The following KPNA1 variants were observed in gnomAD, a reference collection of about 807,000 sequenced individuals.
KPNA1 encodes importin subunit alpha-5.
A neutral mutation model predicts 70.5 loss-of-function variants in KPNA1; 10 were observed. The observed-to-expected ratio is 0.14, with a 90% CI of 0.09 to 0.24. The LOEUF is 0.24. Among genes scored for constraint, KPNA1 ranks in the 10% least tolerant of loss-of-function variants. The pLI is 1.00. For missense variants in KPNA1, 397 were observed against 637.9 expected, an observed-to-expected ratio of 0.62 and a Z score of 4.07; for synonymous variants, 192 against 221.9, an observed-to-expected ratio of 0.87 and a Z score of 1.20.
intron 9 of KPNA1, among the ~76,000 whole-genome samples, 167 bp downstream of exon 9, chr3:122,449,407 A>G (rs1258703986): frequency 6.6e-6 from 1 of 152,232 alleles, no homozygotes; most frequent in African/African-American, 2.4e-5. Flanking sequence ...AGCCTCAATA[A>G]AACAAGACAA....
At chr3:122,458,705 C>T (rs2076290793) in intron 5 of KPNA1, among the ~76,000 whole-genome samples, 1 of 152,156 alleles carries the variant, frequency 6.6e-6, no homozygotes, top group South Asian at 2.1e-4. Context: ...TCTGTCTGCT[C>T]TCCAAGAAGG....
chr3:122,436,722 T>C (rs1434879631), intron 11 of KPNA1, among the ~76,000 whole-genome samples: 2 of 152,212 alleles, frequency 1.3e-5, no homozygotes. Context: ...AAAAGCTGAC[T>C]ATGAAATAAG....
Position 122,442,112 on chromosome 3 carries a change from T to C in KPNA1, c.922A>G (p.Asn308Asp), listed in dbSNP as rs2076071451. The C allele has an allele frequency of 6.2e-7, 1 of 1,612,000 alleles. No homozygotes were observed. Among genetic ancestry groups the C allele is most frequent in the Non-Finnish European group, 8.5e-7 (1 of 1,178,120 alleles). ...GCAGGAGAAACCACTTTATAATCATTATGCCTGCAAAAACAAAAAGTAATG... is the reference window on the plus strand; with the variant it reads ...GCAGGAGAAACCACTTTATAATCATCATGCCTGCAAAAACAAAAAGTAATG... ...CRRLVELLMH[N>D]DYKVVSPALR... The change falls in exon 10 of 14, where the codon AAT becomes GAT. Residue 308 changes from asparagine to aspartate, a missense_variant. Transcript: ENST00000344337.
In KPNA1 at chr3:122,426,393, A is replaced by G. The variant is rs187329016; in HGVS notation, c.*592T>C. 6.5e-6 allele frequency: 1 copy of G among 152,760 alleles called. No homozygotes were observed. The highest frequency in any genetic ancestry group is 2.4e-5 in the African/African-American group (1 of 41,578). 9.5% of individuals were successfully genotyped at this position (152,760 alleles called of 1,614,324 possible). On this transcript the variant is annotated 3_prime_UTR_variant, in exon 14 of 14. Coordinates refer to ENST00000344337, the MANE Select transcript of KPNA1 (RefSeq NM_002264.4). Reference sequence around the variant, plus strand: ...TGAGGGAGTGGATGGTTTAACTTTAATATCTGAAGAATGGCGCCAATAGAG... The same window carrying G: ...TGAGGGAGTGGATGGTTTAACTTTAGTATCTGAAGAATGGCGCCAATAGAG...
At chr3:122,495,667 T>C (rs2076750870) in intron 2 of KPNA1, among the ~76,000 whole-genome samples, 1 of 149,998 alleles carries the variant, frequency 6.7e-6, no homozygotes, top group Non-Finnish European at 1.5e-5. Context: ...TCATCTGCCT[T>C]TATGGAATTT....
intron 8 of KPNA1, among the ~76,000 whole-genome samples, chr3:122,450,435 A>G (rs1195074680): frequency 6.6e-6 from 1 of 152,142 alleles, no homozygotes; most frequent in Admixed American, 6.5e-5. Flanking sequence ...TACAAAAATT[A>G]GCCGGGTGTG....
chr3:122,511,467 AT>A (rs1227583395), intron 1 of KPNA1, among the ~76,000 whole-genome samples: 3 of 152,176 alleles, frequency 2.0e-5, no homozygotes, highest in Non-Finnish European at 4.4e-5. Context: ...GGACAGAACC[AT>A]TTTTTCATGT....
intron 8 of KPNA1, among the ~76,000 whole-genome samples, chr3:122,451,308 T>A (rs979973603): frequency 1.3e-5 from 2 of 152,240 alleles, no homozygotes; most frequent in African/African-American, 4.8e-5. Context: ...TATGCTTTAT[T>A]TGCAGTCCCA....
intron 4 of KPNA1, among the ~76,000 whole-genome samples, chr3:122,461,941 G>C (rs2076328678): frequency 6.6e-6 from 1 of 152,148 alleles, no homozygotes; most frequent in Non-Finnish European, 1.5e-5. Context: ...CAAAGTTACT[G>C]ACAATATGCG....
chr3:122,496,319 AACACACACACACAC>A (rs9289194), intron 2 of KPNA1, 104 bp downstream of exon 2: 13 of 440,384 alleles, frequency 3.0e-5, no homozygotes, highest in Non-Finnish European at 4.0e-5. Flanking sequence ...AGAAGGGGAA[AACACACACACACAC>A]ACACACACAC....
rs1194491839 is a variant in KPNA1 at position 122,451,524 on chromosome 3, T to G, written c.753+10A>C. ...TTTTTCTGCCAATGTCCCAAAAGCA[T>G]AGTCCTTACCTTTGCAAATTCTGGA... On this transcript the variant is annotated intron_variant, in intron 8 of 13. Transcript: ENST00000344337. The G allele has an allele frequency of 6.5e-7, 1 of 1,538,570 alleles. No individual in the cohort carries two copies. Among genetic ancestry groups the G allele is most frequent in the Non-Finnish European group, 9.0e-7 (1 of 1,117,242 alleles).
intron 11 of KPNA1, among the ~76,000 whole-genome samples, chr3:122,436,454 A>C (rs1278328253): frequency 2.6e-5 from 4 of 152,254 alleles, no homozygotes; most frequent in African/African-American, 9.6e-5. Flanking sequence ...CTTGGGGGGC[A>C]TCACGGAACG....
chr3:122,438,993 GAAACT>G (rs2076027105), intron 10 of KPNA1, among the ~76,000 whole-genome samples: 1 of 152,094 alleles, frequency 6.6e-6, no homozygotes, highest in South Asian at 2.1e-4. Flanking sequence ...ACTGAAAAGA[GAAACT>G]AAAATTTTAA....
intron 6 of KPNA1, among the ~76,000 whole-genome samples, chr3:122,452,831 G>GA (rs1460107753): frequency 6.6e-6 from 1 of 151,852 alleles, no homozygotes; most frequent in Non-Finnish European, 1.5e-5. Context: ...CAGAAAGAGA[G>GA]AAAGACAGAA....
At chr3:122,489,053 C>CGT (rs111683855) in intron 2 of KPNA1, among the ~76,000 whole-genome samples, 4,344 of 118,680 alleles carry the variant, frequency 0.037, 115 homozygotes, top group African/African-American at 0.041. Flanking sequence ...GGTTTTTTTG[C>CGT]GTGCGTGTGT....
chr3:122,492,701 A>C, intron 2 of KPNA1, among the ~76,000 whole-genome samples: 1 of 152,188 alleles, frequency 6.6e-6, no homozygotes, highest in East Asian at 1.9e-4. Flanking sequence ...CAAACGTTTC[A>C]TGGGGGAACA....
rs2107710869 is a variant in KPNA1 at position 122,425,238 on chromosome 3, G to A, written c.*1747C>T. 6.5e-6 allele frequency: 1 copy of A among 152,734 alleles called. No individual in the cohort carries two copies. The highest frequency in any genetic ancestry group is 1.9e-4 in the East Asian group (1 of 5,188). The allele number at this position is 152,734 out of a possible 1,614,324, so 9.5% of individuals were successfully genotyped here. On this transcript the variant is annotated 3_prime_UTR_variant, in exon 14 of 14. Coordinates refer to ENST00000344337, the MANE Select transcript of KPNA1 (RefSeq NM_002264.4). ...GTGGATTTTTTAAAAGTTTAAATCA[G>A]GTCACATAAGTTGGCTGCTTAAATA... is the stretch of plus-strand genomic sequence containing the variant.
intron 2 of KPNA1, among the ~76,000 whole-genome samples, chr3:122,476,522 A>T (rs1050531745): frequency 1.1e-4 from 17 of 152,308 alleles, no homozygotes; most frequent in Middle Eastern, 3.4e-3. Flanking sequence ...CGTACATCAG[A>T]TAAGGGGTTA....
intron 6 of KPNA1, 111 bp from the exon 7 acceptor site, chr3:122,452,175 T>G: frequency 1.3e-6 from 1 of 767,946 alleles, no homozygotes; most frequent in Non-Finnish European, 2.3e-6. Context: ...AATGAAACAG[T>G]TGTAGGATTG....
Sources: gnomAD v4.1 joint callset for allele counts (sites outside exome capture counted in the v4.1 genomes callset) on GRCh38, gnomAD v4.1.1 for gene constraint, MANE v1.5 for transcripts, NCBI Gene and HGNC (gene_info 2026-07-23, HGNC 2026-07-21) for gene names.